The following STARD13 variants were observed in gnomAD, a reference collection of about 807,000 sequenced individuals.
STARD13 encodes the protein stAR-related lipid transfer protein 13.
A neutral mutation model predicts 106.4 loss-of-function variants in STARD13; 62 were observed. The observed-to-expected ratio is 0.58, with a 90% CI of 0.48 to 0.72. The LOEUF is 0.72. Ranked by LOEUF, STARD13 falls within the 30% of genes least tolerant of loss-of-function variation. STARD13 has a pLI of 0.00. For missense variants in STARD13, 1,387 were observed against 1,424.0 expected, an observed-to-expected ratio of 0.97 and a Z score of 0.42; for synonymous variants, 565 against 553.0, an observed-to-expected ratio of 1.02 and a Z score of -0.31.
chr13:33,165,520 C>G, intron 2 of STARD13, 102 bp from the exon 3 acceptor site: 1 of 816,050 alleles, frequency 1.2e-6, no homozygotes, highest in Non-Finnish European at 2.0e-6. Context: ...ATTTTAATAG[C>G]AGTGACTGCC....
chr13:33,422,655 G>T, the STARD13 span, among the ~76,000 whole-genome samples: 1 of 152,128 alleles, frequency 6.6e-6, no homozygotes, highest in African/African-American at 2.4e-5. Flanking sequence ...TAAGCCAAAA[G>T]AACAAAGCTG....
At chr13:33,261,219 G>T (rs541386542) in intron 1 of STARD13, among the ~76,000 whole-genome samples, 1 of 152,248 alleles carries the variant, frequency 6.6e-6, no homozygotes, top group East Asian at 1.9e-4. Flanking sequence ...GACATGTTTG[G>T]TTTTCACAAC....
At chr13:33,124,551 T>C (rs1876861775) in intron 7 of STARD13, among the ~76,000 whole-genome samples, 1 of 152,182 alleles carries the variant, frequency 6.6e-6, no homozygotes, top group Non-Finnish European at 1.5e-5. Context: ...GTGCCCTGTG[T>C]CTTTCTCTCT....
At chr13:33,639,498 T>C in the STARD13 span, among the ~76,000 whole-genome samples, 2 of 152,230 alleles carry the variant, frequency 1.3e-5, no homozygotes, top group Admixed American at 1.3e-4. Context: ...CACTGTAATA[T>C]AGAAAAATTC....
At chr13:33,641,065 G>T in the STARD13 span, among the ~76,000 whole-genome samples, 1 of 152,110 alleles carries the variant, frequency 6.6e-6, no homozygotes, top group East Asian at 1.9e-4. Flanking sequence ...AGACACAAAG[G>T]GTATGATCTA....
intron 1 of STARD13, among the ~76,000 whole-genome samples, chr13:33,331,715 A>G (rs562163552): frequency 6.6e-6 from 1 of 152,070 alleles, no homozygotes; most frequent in South Asian, 2.1e-4. Flanking sequence ...CTTGAGTGTT[A>G]GTTAAAATTA....
the STARD13 span, among the ~76,000 whole-genome samples, chr13:33,459,454 A>C: frequency 6.6e-6 from 1 of 152,150 alleles, no homozygotes; most frequent in Admixed American, 6.5e-5. Context: ...TTTATTATTG[A>C]GTAGTGTTCT....
chr13:33,584,038 C>T, the STARD13 span, among the ~76,000 whole-genome samples: 1 of 152,148 alleles, frequency 6.6e-6, no homozygotes, highest in Non-Finnish European at 1.5e-5. Context: ...TGAGGAACTG[C>T]CATACTATTT....
At chr13:33,581,571 C>T in the STARD13 span, among the ~76,000 whole-genome samples, 5 of 152,208 alleles carry the variant, frequency 3.3e-5, no homozygotes, top group Admixed American at 2.0e-4. Flanking sequence ...ATCCTATTTA[C>T]GTAGACTGTA....
At chr13:33,528,224 G>A in the STARD13 span, among the ~76,000 whole-genome samples, 7 of 109,264 alleles carry the variant, frequency 6.4e-5, no homozygotes, top group Admixed American at 5.4e-4. Flanking sequence ...GTGTGTGTGT[G>A]TGTATATATA....
At chr13:33,275,085 G>A (rs1379880894) in intron 1 of STARD13, among the ~76,000 whole-genome samples, 1 of 152,110 alleles carries the variant, frequency 6.6e-6, no homozygotes, top group Admixed American at 6.5e-5. Flanking sequence ...CCTGAAGCCT[G>A]GCCTAAACCC....
At chr13:33,168,775 C>T (rs1883617472) in intron 1 of STARD13, among the ~76,000 whole-genome samples, 1 of 152,208 alleles carries the variant, frequency 6.6e-6, no homozygotes, top group Non-Finnish European at 1.5e-5. Context: ...ACATTGAAAG[C>T]TCAGTGTCTG....
chr13:33,296,617 G>T (rs1366815903), intron 1 of STARD13, among the ~76,000 whole-genome samples: 1 of 151,994 alleles, frequency 6.6e-6, no homozygotes, highest in African/African-American at 2.4e-5. Flanking sequence ...CTCTGCTTCT[G>T]TGAGTTCAAC....
the STARD13 span, among the ~76,000 whole-genome samples, chr13:33,613,534 G>A: frequency 1.1e-4 from 17 of 152,308 alleles, no homozygotes; most frequent in Non-Finnish European, 1.3e-4. Context: ...GAGGAAGGGC[G>A]AATGGCAGCA....
At chr13:33,599,467 AAT>A in the STARD13 span, among the ~76,000 whole-genome samples, 130 of 152,300 alleles carry the variant, frequency 8.5e-4, 3 homozygotes, top group East Asian at 0.021. Flanking sequence ...CTTGTTTATC[AAT>A]TTCCTTATTA....
the STARD13 span, among the ~76,000 whole-genome samples, chr13:33,402,912 G>A: frequency 2.6e-5 from 4 of 152,144 alleles, no homozygotes; most frequent in African/African-American, 4.8e-5. Context: ...ATAAAACCCC[G>A]CATTCATCCT....
the STARD13 span, among the ~76,000 whole-genome samples, chr13:33,670,007 C>T: frequency 1.9e-3 from 293 of 152,296 alleles, 2 homozygotes; most frequent in African/African-American, 6.6e-3. Context: ...CCCACAAATG[C>T]CTGAGTAACA....
chr13:33,557,171 T>C, the STARD13 span, among the ~76,000 whole-genome samples: 3 of 151,980 alleles, frequency 2.0e-5, no homozygotes, highest in Non-Finnish European at 2.9e-5. Flanking sequence ...GAATATTGTT[T>C]CCCCCCTCCA....
At chr13:33,621,386 T>A in the STARD13 span, among the ~76,000 whole-genome samples, 1,418 of 151,886 alleles carry the variant, frequency 9.3e-3, 24 homozygotes, top group African/African-American at 0.033. Context: ...CTAAAAAAAA[T>A]TTAAAAACTG....
Sources: allele counts gnomAD v4.1 joint callset (sites outside exome capture counted in the v4.1 genomes callset), GRCh38; gene constraint gnomAD v4.1.1; transcripts MANE v1.5; gene names NCBI Gene and HGNC (gene_info 2026-07-23, HGNC 2026-07-21).